The following JAKMIP1 variants were observed in gnomAD, a reference collection of about 807,000 sequenced individuals.
JAKMIP1 encodes the protein janus kinase and microtubule-interacting protein 1.
In JAKMIP1, 33 loss-of-function variants were observed where a neutral mutation model predicts 113.0. That is an observed-to-expected ratio of 0.29 (90% confidence interval 0.22 to 0.39). The LOEUF (loss-of-function observed/expected upper bound fraction) is 0.39, where lower values mean the gene tolerates loss of function less well. Among genes scored for constraint, JAKMIP1 ranks in the 10% least tolerant of loss-of-function variants. JAKMIP1 has a pLI of 1.00. For missense variants in JAKMIP1, 813 were observed against 1,080.5 expected, an observed-to-expected ratio of 0.75 and a Z score of 3.47; for synonymous variants, 480 against 459.9, an observed-to-expected ratio of 1.04 and a Z score of -0.56.
intron 1 of JAKMIP1, among the ~76,000 whole-genome samples, chr4:6,164,715 TG>T (rs1161331411): frequency 2.0e-5 from 3 of 152,198 alleles, no homozygotes; most frequent in Non-Finnish European, 4.4e-5. Context: ...TGGAAGAAGT[TG>T]ATTCTAACCC....
At chr4:6,028,945 T>A (rs1214249267) in intron 20 of JAKMIP1, among the ~76,000 whole-genome samples, 1 of 152,226 alleles carries the variant, frequency 6.6e-6, no homozygotes, top group East Asian at 1.9e-4. Flanking sequence ...CTGTCTTGAA[T>A]GAAGAGATGC....
intron 1 of JAKMIP1, among the ~76,000 whole-genome samples, chr4:6,171,605 G>C (rs1232182476): frequency 6.6e-6 from 1 of 152,230 alleles, no homozygotes; most frequent in African/African-American, 2.4e-5. Flanking sequence ...CCCCAAGTAT[G>C]TGTCTAGTAG....
At chr4:6,082,888 G>A (rs993536842) in intron 5 of JAKMIP1, among the ~76,000 whole-genome samples, 2 of 152,090 alleles carry the variant, frequency 1.3e-5, no homozygotes, top group Non-Finnish European at 2.9e-5. Context: ...CTACCAAGCC[G>A]CTGGTAAAAA....
At chr4:6,046,185 G>A (rs1714967039) in intron 16 of JAKMIP1, among the ~76,000 whole-genome samples, 1 of 152,206 alleles carries the variant, frequency 6.6e-6, no homozygotes, top group South Asian at 2.1e-4. Flanking sequence ...TCCCCTAGTG[G>A]TCCTGCCAGG....
rs1044962123 is a variant in JAKMIP1 at position 6,042,354 on chromosome 4, G to A, written c.2029-127C>T. 4.7e-5 allele frequency: 35 copies of A among 739,794 alleles called. No homozygotes were observed. In the Middle Eastern group the frequency reaches 9.6e-4, roughly 20 times the overall value. The allele number at this position is 739,794 out of a possible 1,614,324, so 45.8% of individuals were successfully genotyped here. A position where few individuals can be genotyped will look rare whatever the true frequency, so the allele number is the denominator to read the frequency against. On this transcript the variant is annotated intron_variant, in intron 16 of 20. Coordinates refer to ENST00000409021, the MANE Select transcript of JAKMIP1 (RefSeq NM_001099433.2). This position sits in a 1 kb window ranked among gnomAD's most constrained non-coding sequence, Gnocchi z 5.2. ...CAGAGTGTGCTCAGGAATGGGTCAG[G>A]TCATGGCACACACATGCCTGATCTG...
rs1560627951 is a variant in JAKMIP1 at position 6,036,075 on chromosome 4, T to C, written c.2208A>G (p.Thr736=). Reference sequence around the variant, plus strand: ...TCCGCCCCGGCTCCTGCTGCAGCGCTGTGTACAGTGTGGCCTCCAGGTCTT... The same window carrying C: ...TCCGCCCCGGCTCCTGCTGCAGCGCCGTGTACAGTGTGGCCTCCAGGTCTT... ...KIQDLEATLY[T]ALQQEPGRRA... The change falls in exon 19 of 21, where the codon ACA becomes ACG. Residue 736 remains threonine, a synonymous_variant. Coordinates refer to ENST00000409021, the MANE Select transcript of JAKMIP1 (RefSeq NM_001099433.2). 3.2e-6 allele frequency: 5 copies of C among 1,557,354 alleles called. No individual in the cohort carries two copies. The highest frequency in any genetic ancestry group is 4.3e-6 in the Non-Finnish European group (5 of 1,150,032).
At chr4:6,165,234 T>C (rs1480346443) in intron 1 of JAKMIP1, among the ~76,000 whole-genome samples, 1 of 152,244 alleles carries the variant, frequency 6.6e-6, no homozygotes, top group Non-Finnish European at 1.5e-5. Context: ...AAAGATTATG[T>C]TGAAAGCTCA....
intron 20 of JAKMIP1, among the ~76,000 whole-genome samples, chr4:6,028,985 C>G (rs1712226883): frequency 6.6e-6 from 1 of 152,240 alleles, no homozygotes. Flanking sequence ...CTCAAGGACT[C>G]ACAGCCATCC....
At position 6,053,426 on chromosome 4, in the gene JAKMIP1, C is replaced by T. The variant is rs114678982; in HGVS notation, c.1806+624G>A. Among the ~76,000 whole-genome samples the T allele has an allele frequency of 4.8e-3, 732 of 152,302 alleles. 1 individual carries two copies. The highest frequency in any genetic ancestry group is 7.9e-3 in the Non-Finnish European group (537 of 68,030). On this transcript the variant is annotated intron_variant, in intron 13 of 20. Coordinates refer to ENST00000409021, the MANE Select transcript of JAKMIP1 (RefSeq NM_001099433.2). ...GCTGCAATGCCTGGGTCTGTATTTA[C>T]TGGATAAAAGAGTTTGAACAACGTA...
At chr4:6,174,339 C>T (rs530008208) in intron 1 of JAKMIP1, among the ~76,000 whole-genome samples, 4 of 152,306 alleles carry the variant, frequency 2.6e-5, no homozygotes, top group African/African-American at 9.6e-5. Flanking sequence ...CAGGAATAAT[C>T]GCCATCACCA....
chr4:6,181,310 G>C lies in JAKMIP1; in HGVS notation c.-148+18943C>G, dbSNP rs1725991018. Among the ~76,000 whole-genome samples the C allele has an allele frequency of 6.6e-6, 1 of 152,212 alleles. No individual in the cohort carries two copies. The highest frequency in any genetic ancestry group is 2.4e-5 in the African/African-American group (1 of 41,456). On this transcript the variant is annotated intron_variant, in intron 1 of 20. Coordinates refer to ENST00000409021, the MANE Select transcript of JAKMIP1 (RefSeq NM_001099433.2). The surrounding 1 kb of genome is among the most constrained non-coding windows in gnomAD (Gnocchi z 5.4). Reference sequence around the variant, plus strand: ...TGGAGGGGAGGGTCATGCTGAGAGAGGAAGAGACCAGGGGCTCGAAGAGTA... The same window carrying C: ...TGGAGGGGAGGGTCATGCTGAGAGACGAAGAGACCAGGGGCTCGAAGAGTA...
Position 6,065,133 on chromosome 4 carries a change from A to C in JAKMIP1, c.1303-125T>G. On this transcript the variant is annotated intron_variant, in intron 8 of 20. Coordinates refer to ENST00000409021, the MANE Select transcript of JAKMIP1 (RefSeq NM_001099433.2). This position sits in a 1 kb window ranked among gnomAD's most constrained non-coding sequence, Gnocchi z 5.1. ...ACATTTGGGCCACTGGGGCATCACA[A>C]GATGCGGTTGGTGGGCTTCGTAACT... is the stretch of plus-strand genomic sequence containing the variant. The C allele has an allele frequency of 8.3e-7, 1 of 1,201,396 alleles. No individual in the cohort carries two copies. The highest frequency in any genetic ancestry group is 1.3e-5 in the South Asian group (1 of 76,352). 74.4% of individuals were successfully genotyped at this position (1,201,396 alleles called of 1,614,324 possible). A position where few individuals can be genotyped will look rare whatever the true frequency, so the allele number is the denominator to read the frequency against.
Position 6,154,576 on chromosome 4 carries a change from G to A in JAKMIP1, c.-147-41579C>T, listed in dbSNP as rs1310944399. Among the ~76,000 whole-genome samples the A allele has an allele frequency of 6.6e-6, 1 of 151,632 alleles. No individual in the cohort carries two copies. The highest frequency in any genetic ancestry group is 1.5e-5 in the Non-Finnish European group (1 of 67,968). On this transcript the variant is annotated intron_variant, in intron 1 of 20. Transcript: ENST00000409021. The surrounding 1 kb of genome is among the most constrained non-coding windows in gnomAD (Gnocchi z 4.2). ...CCTTGAAAAAGGCAATACCGAAAAG[G>A]CAGACACCAAGAAACTTAGCAAGGC...
In JAKMIP1 at chr4:6,112,867, G is replaced by C. The variant is rs771891993; in HGVS notation, c.-17C>G. On this transcript the variant is annotated 5_prime_UTR_variant, in exon 2 of 21. Transcript: ENST00000409021. ...CTTCGACATGCTTCCCCTTGGGTCA[G>C]AGTGCTGAGATCCTGCGGTCCACAC... 1 of 1,612,440 alleles carries C rather than the reference G, an allele frequency of 6.2e-7. No homozygotes were observed. Among genetic ancestry groups the C allele is most frequent in the Non-Finnish European group, 8.5e-7 (1 of 1,179,490 alleles).
intron 1 of JAKMIP1, among the ~76,000 whole-genome samples, chr4:6,174,683 A>C (rs553946275): frequency 1.5e-4 from 23 of 152,204 alleles, no homozygotes; most frequent in African/African-American, 4.3e-4. Context: ...GGAGCAGCTA[A>C]AACACGCTCC....
At chr4:6,077,221 T>C (rs1719803786) in intron 8 of JAKMIP1, among the ~76,000 whole-genome samples, 1 of 151,976 alleles carries the variant, frequency 6.6e-6, no homozygotes, top group Non-Finnish European at 1.5e-5. Context: ...TGGAGTAGGG[T>C]GGACTCCTAA....
intron 1 of JAKMIP1, among the ~76,000 whole-genome samples, chr4:6,191,948 T>TA (rs1578519044): frequency 2.0e-5 from 3 of 151,910 alleles, no homozygotes; most frequent in African/African-American, 4.8e-5. Context: ...TTTATTTATT[T>TA]TGAGATGGAG....
At chr4:6,122,755 G>C (rs1578300770) in intron 1 of JAKMIP1, among the ~76,000 whole-genome samples, 1 of 152,298 alleles carries the variant, frequency 6.6e-6, no homozygotes, top group South Asian at 2.1e-4. Flanking sequence ...CAGGGAGGGG[G>C]ATGTGGAGGG....
rs73073449 is a variant in JAKMIP1 at position 6,059,498 on chromosome 4, C to T, written c.1644+926G>A. Reference sequence around the variant, plus strand: ...ACCTTGCCTGGCCTCCTCAGCCCCCCATAGATGCCTCTCTGCAGGCAGGGG... The same window carrying T: ...ACCTTGCCTGGCCTCCTCAGCCCCCTATAGATGCCTCTCTGCAGGCAGGGG... On this transcript the variant is annotated intron_variant, in intron 11 of 20. Transcript: ENST00000409021. This position sits in a 1 kb window ranked among gnomAD's most constrained non-coding sequence, Gnocchi z 4.8. Among the ~76,000 whole-genome samples, 479 of 152,294 alleles carry T rather than the reference C, an allele frequency of 3.1e-3. 2 individuals are homozygous for T. The highest frequency in any genetic ancestry group is 0.011 in the African/African-American group (459 of 41,568).
Sources: allele counts gnomAD v4.1 joint callset (sites outside exome capture counted in the v4.1 genomes callset), GRCh38; gene constraint gnomAD v4.1.1; non-coding constraint Gnocchi (gnomAD v3.1); transcripts MANE v1.5; gene names NCBI Gene and HGNC (gene_info 2026-07-23, HGNC 2026-07-21).